The following ELAVL2 variants were observed in gnomAD, a reference collection of about 807,000 sequenced individuals.
The protein encoded by ELAVL2 is ELAV like RNA binding protein 2, also known as ELAV-like protein 2.
ELAVL2 carries 4 observed loss-of-function variants against 34.6 expected under a neutral mutation model. That is an observed-to-expected ratio of 0.12 (90% CI 0.06 to 0.26). ELAVL2 has a LOEUF of 0.26. Ranked by LOEUF, ELAVL2 falls within the 10% of genes least tolerant of loss-of-function variation. The probability of loss-of-function intolerance (pLI) is 1.00; values close to 1 mark genes in which losing one functional copy is unlikely to be tolerated. For synonymous variants in ELAVL2, 193 were observed against 154.8 expected (o/e 1.25, Z -1.83); for missense variants, 432 against 442.8 (o/e 0.98, Z 0.22).
upstream of ELAVL2, among the ~76,000 whole-genome samples, chr9:23,830,997 C>G (rs1409819312): frequency 6.6e-6 from 1 of 152,142 alleles, no homozygotes; most frequent in African/African-American, 2.4e-5. Flanking sequence ...TTAAGCTTCC[C>G]CCTGGAGCCG....
rs564863928 is a variant in ELAVL2, at chr9:23,751,920, C to G, written c.229+10086G>C. 3.3e-5 allele frequency among the ~76,000 whole-genome samples: 5 copies of G among 152,282 alleles called. 1 individual carries two copies. The South Asian group carries it at 1.0e-3, about 32-fold the overall frequency. On this transcript the variant is annotated intron_variant, in intron 2 of 6. Transcript: ENST00000397312. ...CATCATTCTGGGCTCCCAAGTCCTG[C>G]CTCGCACTTTCTATTCTTACTTTGT...
chr9:23,792,911 C>A (rs527537087), intron 1 of ELAVL2, among the ~76,000 whole-genome samples: 9 of 152,096 alleles, frequency 5.9e-5, no homozygotes, highest in Non-Finnish European at 1.2e-4. Flanking sequence ...TCTGGGACTA[C>A]AGGCATGCAT....
chr9:23,829,303 A>T (rs551300339), upstream of ELAVL2, among the ~76,000 whole-genome samples: 5 of 152,356 alleles, frequency 3.3e-5, no homozygotes, highest in Non-Finnish European at 7.4e-5. Context: ...GAGAACATTT[A>T]TTCATAAGAA....
At chr9:23,729,997 A>C (rs1429087044) in intron 3 of ELAVL2, among the ~76,000 whole-genome samples, 1 of 152,060 alleles carries the variant, frequency 6.6e-6, no homozygotes, top group Non-Finnish European at 1.5e-5. Context: ...TTCTTAAATC[A>C]AGGGTGGAAA....
At chr9:23,845,615 T>TA in the ELAVL2 span, among the ~76,000 whole-genome samples, 24 of 149,088 alleles carry the variant, frequency 1.6e-4, no homozygotes, top group East Asian at 5.9e-4. Context: ...TTATCTGACT[T>TA]AAAAAAAAAA....
chr9:23,834,748 C>G, the ELAVL2 span, among the ~76,000 whole-genome samples: 2 of 151,914 alleles, frequency 1.3e-5, no homozygotes, highest in Non-Finnish European at 1.5e-5. Context: ...GTTTAAAAGG[C>G]GCCAAAAGGC....
At chr9:23,831,201 G>A (rs2065490242), upstream of ELAVL2, among the ~76,000 whole-genome samples, 1 of 152,276 alleles carries the variant, frequency 6.6e-6, no homozygotes, top group Non-Finnish European at 1.5e-5. Flanking sequence ...CCACTTGTGT[G>A]CGATGCACGT....
chr9:23,746,178 A>G lies in ELAVL2; in HGVS notation c.230-15053T>C, dbSNP rs571441984. On this transcript the variant is annotated intron_variant, in intron 2 of 6. Transcript: ENST00000397312. ...GACTTTATTTACAAAATATGCATAC[A>G]TACATACACACCTCTCAAAACAAAC... Among the ~76,000 whole-genome samples the G allele has an allele frequency of 3.9e-5, 6 of 152,316 alleles. No homozygotes were observed. In the South Asian group the frequency reaches 1.2e-3, roughly 32 times the overall value.
intron 5 of ELAVL2, among the ~76,000 whole-genome samples, chr9:23,700,644 C>T (rs925327074): frequency 6.6e-6 from 1 of 152,076 alleles, no homozygotes; most frequent in Non-Finnish European, 1.5e-5. Context: ...AAAACAAAAA[C>T]AAGACAGATG....
Position 23,762,091 on chromosome 9 carries a change from C to T in ELAVL2, c.144G>A (p.Gln48=). Residue 48 remains glutamine, a synonymous_variant, in exon 2 of 7, where the codon CAG becomes CAA. Transcript: ENST00000397312. ...TCTTTAGTTCCTCCTGTGTCATGTT[C>T]TGAGGAAGGTAGTTGACTATTAAGT... is the stretch of plus-strand genomic sequence containing the variant. ...KTNLIVNYLP[Q]NMTQEELKSL... 6.2e-7 allele frequency: 1 copy of T among 1,613,454 alleles called. No homozygotes were observed. The highest frequency in any genetic ancestry group is 8.5e-7 in the Non-Finnish European group (1 of 1,179,598).
At chr9:23,693,734 A>T (rs1384368584) in intron 5 of ELAVL2, among the ~76,000 whole-genome samples, 1 of 152,200 alleles carries the variant, frequency 6.6e-6, no homozygotes, top group East Asian at 1.9e-4. Flanking sequence ...ATCTGAGGAT[A>T]CCTTTCAGAG....
intron 1 of ELAVL2, among the ~76,000 whole-genome samples, chr9:23,763,048 CCTT>C (rs1440663912): frequency 2.0e-5 from 3 of 152,186 alleles, no homozygotes. Flanking sequence ...TGGTGTTTCT[CCTT>C]GACTCTGCTT....
chr9:23,751,481 A>T (rs1157897997), intron 2 of ELAVL2, among the ~76,000 whole-genome samples: 5 of 152,052 alleles, frequency 3.3e-5, no homozygotes, highest in Non-Finnish European at 7.4e-5. Flanking sequence ...AGGGATAGTA[A>T]TTTTTTTCCT....
the ELAVL2 span, among the ~76,000 whole-genome samples, chr9:23,842,649 T>C: frequency 6.6e-6 from 1 of 152,132 alleles, no homozygotes; most frequent in Admixed American, 6.6e-5. Flanking sequence ...GCTAACTCCA[T>C]TTTGATTTTA....
At chr9:23,705,182 A>AG in intron 3 of ELAVL2, 111 bp from the exon 4 acceptor site, 1 of 1,213,090 alleles carries the variant, frequency 8.2e-7, no homozygotes, top group Non-Finnish European at 1.1e-6. Flanking sequence ...AGAACACTGA[A>AG]GTTCAAGCAA....
chr9:23,828,115 T>G (rs952608259), upstream of ELAVL2, among the ~76,000 whole-genome samples: 1 of 152,136 alleles, frequency 6.6e-6, no homozygotes, highest in Admixed American at 6.5e-5. Context: ...CCATCTAGAC[T>G]AGATGTATGA....
chr9:23,722,273 T>C (rs2043928091), intron 3 of ELAVL2, among the ~76,000 whole-genome samples: 1 of 152,222 alleles, frequency 6.6e-6, no homozygotes, highest in Admixed American at 6.5e-5. Context: ...TACATGAACC[T>C]ACCAGAAAAA....
rs148961950 is a variant in ELAVL2 at position 23,812,318 on chromosome 9, T to C, written c.-16+13488A>G. Among the ~76,000 whole-genome samples the C allele has an allele frequency of 3.8e-3, 575 of 152,282 alleles. 4 individuals are homozygous for C. The highest frequency in any genetic ancestry group is 0.016 in the East Asian group (82 of 5,178). ...CACAAAACCTAGAAGAATATTTTTA[T>C]TGATCCTTCAACAAACTCAAAAACA... On this transcript the variant is annotated intron_variant, in intron 1 of 6. Coordinates refer to ENST00000397312, the MANE Select transcript of ELAVL2 (RefSeq NM_004432.5).
intron 3 of ELAVL2, among the ~76,000 whole-genome samples, chr9:23,727,638 G>A (rs116211919): frequency 0.011 from 1,605 of 152,138 alleles, 18 homozygotes; most frequent in African/African-American, 0.032. Flanking sequence ...CCTGTGGACA[G>A]GGATCGAGTA....
Sources: gnomAD v4.1 joint callset for allele counts (sites outside exome capture counted in the v4.1 genomes callset) on GRCh38, gnomAD v4.1.1 for gene constraint, MANE v1.5 for transcripts, NCBI Gene and HGNC (gene_info 2026-07-23, HGNC 2026-07-21) for gene names.